NOL4: variants seen among roughly 807,000 people sequenced by gnomAD.
The protein encoded by NOL4 is cancer/testis antigen 125.
A neutral mutation model predicts 75.9 loss-of-function variants in NOL4; 17 were observed. That is an observed-to-expected ratio of 0.22 (90% CI 0.15 to 0.34). The LOEUF is 0.34. Ranked by LOEUF, NOL4 falls within the 10% of genes least tolerant of loss-of-function variation. The pLI, the probability that NOL4 is intolerant of heterozygous loss-of-function variation, is 1.00. For missense variants in NOL4, 614 were observed against 793.5 expected, an observed-to-expected ratio of 0.77 and a Z score of 2.72; for synonymous variants, 292 against 289.9, an observed-to-expected ratio of 1.01 and a Z score of -0.07.
At chr18:34,006,488 C>T (rs927224442) in intron 6 of NOL4, among the ~76,000 whole-genome samples, 11 of 152,038 alleles carry the variant, frequency 7.2e-5, no homozygotes, top group African/African-American at 2.7e-4. Flanking sequence ...GTAGAGTCAT[C>T]CCCTGGGGTA....
chr18:33,989,809 T>C (rs1006953040), intron 6 of NOL4, among the ~76,000 whole-genome samples: 2 of 152,136 alleles, frequency 1.3e-5, no homozygotes, highest in Admixed American at 1.3e-4. Flanking sequence ...ATTTCCTTAC[T>C]GTTACTTCAT....
chr18:34,131,946 C>G (rs1325591031), intron 1 of NOL4, among the ~76,000 whole-genome samples: 1 of 152,150 alleles, frequency 6.6e-6, no homozygotes, highest in Non-Finnish European at 1.5e-5. Flanking sequence ...TCTCTAACAA[C>G]TTACTACAAA....
At chr18:33,992,524 G>A (rs1399150480) in intron 6 of NOL4, among the ~76,000 whole-genome samples, 2 of 152,000 alleles carry the variant, frequency 1.3e-5, no homozygotes, top group East Asian at 1.9e-4. Flanking sequence ...AGTAATAACA[G>A]TGAGAGTCTG....
At chr18:33,957,837 T>C (rs143485389) in intron 7 of NOL4, among the ~76,000 whole-genome samples, 247 of 152,262 alleles carry the variant, frequency 1.6e-3, no homozygotes, top group African/African-American at 5.6e-3. Flanking sequence ...CTATTAATGA[T>C]GAATACGACT....
chr18:33,974,864 T>C (rs1445626774), intron 6 of NOL4, among the ~76,000 whole-genome samples: 3 of 152,170 alleles, frequency 2.0e-5, no homozygotes, highest in Admixed American at 6.5e-5. Context: ...GATATTTGCA[T>C]ACCCATATCC....
chr18:33,943,104 A>G lies in NOL4; in HGVS notation c.1503T>C (p.Ser501=), dbSNP rs1468635077. 6 of 1,611,538 alleles carry G rather than the reference A, an allele frequency of 3.7e-6. No individual in the cohort carries two copies. Among genetic ancestry groups the G allele is most frequent in the Non-Finnish European group, 5.1e-6 (6 of 1,178,672 alleles). ...GACGCATCCTCTTGGCGGCATTTCT[A>G]CTCTCACTCTCACAAGCTGAAGCCA... is the stretch of plus-strand genomic sequence containing the variant. ...SILASACESE[S]RNAAKRMRLE... is the part of the protein sequence containing the mutation. Residue 501 remains serine, a synonymous_variant, in exon 9 of 11, where the codon AGT becomes AGC. Coordinates refer to ENST00000261592, the MANE Select transcript of NOL4 (RefSeq NM_003787.5).
At chr18:34,044,288 A>C (rs1221441571) in intron 5 of NOL4, among the ~76,000 whole-genome samples, 1 of 152,102 alleles carries the variant, frequency 6.6e-6, no homozygotes, top group East Asian at 1.9e-4. Flanking sequence ...CCATATGAAA[A>C]GAAAATAAAA....
At chr18:33,874,105 T>C (rs568722622) in intron 10 of NOL4, among the ~76,000 whole-genome samples, 24 of 151,968 alleles carry the variant, frequency 1.6e-4, no homozygotes, top group African/African-American at 5.8e-4. Flanking sequence ...AGGGGAAAGA[T>C]TGGGGTTGTT....
chr18:34,216,240 T>C (rs1350090350), intron 1 of NOL4, among the ~76,000 whole-genome samples: 7 of 152,188 alleles, frequency 4.6e-5, no homozygotes, highest in African/African-American at 1.7e-4. Flanking sequence ...GATAAAGAAG[T>C]AAACAATTCA....
At chr18:34,148,085 G>A (rs2081482465) in intron 1 of NOL4, among the ~76,000 whole-genome samples, 1 of 151,876 alleles carries the variant, frequency 6.6e-6, no homozygotes, top group Admixed American at 6.6e-5. Flanking sequence ...TTTTTATTGT[G>A]TCTGTTTGAT....
chr18:33,986,403 T>C (rs2072458860), intron 6 of NOL4, among the ~76,000 whole-genome samples: 1 of 152,096 alleles, frequency 6.6e-6, no homozygotes, highest in Non-Finnish European at 1.5e-5. Flanking sequence ...TTGAACTTTT[T>C]ATAAAAACAC....
intron 1 of NOL4, among the ~76,000 whole-genome samples, chr18:34,203,479 A>G (rs1263299569): frequency 6.6e-6 from 1 of 151,828 alleles, no homozygotes; most frequent in East Asian, 1.9e-4. Context: ...GTCAAAAAAG[A>G]CTGGTAGATT....
chr18:34,143,623 T>G (rs1263997109), intron 1 of NOL4, among the ~76,000 whole-genome samples: 2 of 152,036 alleles, frequency 1.3e-5, no homozygotes, highest in Non-Finnish European at 2.9e-5. Flanking sequence ...TCCTAGCACT[T>G]TGGGAGGCCG....
chr18:33,907,466 T>C (rs1415923679), intron 9 of NOL4, among the ~76,000 whole-genome samples: 1 of 152,114 alleles, frequency 6.6e-6, no homozygotes, highest in African/African-American at 2.4e-5. Flanking sequence ...AATAAGCATT[T>C]TCTCCCAAAG....
intron 8 of NOL4, among the ~76,000 whole-genome samples, chr18:33,948,189 T>C (rs1343506556): frequency 1.3e-5 from 2 of 151,982 alleles, no homozygotes; most frequent in African/African-American, 2.4e-5. Flanking sequence ...TAAGGCCAGA[T>C]TGGGAGCAAC....
intron 9 of NOL4, among the ~76,000 whole-genome samples, chr18:33,911,562 T>C (rs906553256): frequency 1.3e-5 from 2 of 152,184 alleles, no homozygotes; most frequent in Non-Finnish European, 2.9e-5. Flanking sequence ...TTGCTTGCTG[T>C]TCTTTTTCAT....
chr18:34,140,463 T>C (rs1034828365), intron 1 of NOL4, among the ~76,000 whole-genome samples: 44 of 152,276 alleles, frequency 2.9e-4, no homozygotes, highest in Middle Eastern at 6.8e-3. Context: ...TGATCTTTGT[T>C]GGTTTAAGGT....
intron 9 of NOL4, among the ~76,000 whole-genome samples, chr18:33,890,198 C>T (rs964148958): frequency 3.3e-5 from 5 of 152,138 alleles, no homozygotes; most frequent in Non-Finnish European, 7.3e-5. Flanking sequence ...GTCTCAGATA[C>T]AAAACCAATG....
At chr18:33,916,994 C>T (rs1452645) in intron 9 of NOL4, among the ~76,000 whole-genome samples, 65,263 of 151,990 alleles carry the variant, frequency 0.43, 14,280 homozygotes, top group African/African-American at 0.51. Context: ...ACTTGAAAAC[C>T]TCTCTTTGAT....
Sources: gnomAD v4.1 joint callset for allele counts (sites outside exome capture counted in the v4.1 genomes callset) on GRCh38, gnomAD v4.1.1 for gene constraint, MANE v1.5 for transcripts, NCBI Gene and HGNC (gene_info 2026-07-23, HGNC 2026-07-21) for gene names.